The following DCLK1 variants were observed in gnomAD, a reference collection of about 807,000 sequenced individuals.
DCLK1 encodes doublecortin like kinase 1, also known as serine/threonine-protein kinase DCLK1.
Under a neutral mutation model 86.2 loss-of-function variants are expected in DCLK1, and 16 were observed. That is an observed-to-expected ratio of 0.19 (90% CI 0.13 to 0.28). The LOEUF is 0.28. Ranked by LOEUF, DCLK1 falls within the 10% of genes least tolerant of loss-of-function variation. The probability of loss-of-function intolerance (pLI) is 1.00; values close to 1 mark genes in which losing one functional copy is unlikely to be tolerated. For synonymous variants in DCLK1, 369 were observed against 370.5 expected, an observed-to-expected ratio of 1.00 and a Z score of 0.05; for missense variants, 590 against 940.2, an observed-to-expected ratio of 0.63 and a Z score of 4.87.
intron 3 of DCLK1, among the ~76,000 whole-genome samples, chr13:35,960,140 AC>A (rs1481119320): frequency 6.6e-6 from 1 of 151,846 alleles, no homozygotes; most frequent in Admixed American, 6.6e-5. Flanking sequence ...GTAAAACTAA[AC>A]CCCTCCAATA....
At chr13:35,933,119 T>C (rs1876549009) in intron 4 of DCLK1, among the ~76,000 whole-genome samples, 1 of 152,204 alleles carries the variant, frequency 6.6e-6, no homozygotes, top group Non-Finnish European at 1.5e-5. Context: ...AGTCAAATCT[T>C]AAAGCTCCAA....
rs532112697 is a variant in DCLK1, at chr13:35,918,890, G to GTTTTTTTTTTTTTT, written c.823+28467_823+28468insAAAAAAAAAAAAAA. ...CCAAAAAGAAATCTTCCTTCTGAGTGTGTTTTTTTTTTTTTTTTTGGAAAC... is the reference window on the plus strand; with the variant it reads ...CCAAAAAGAAATCTTCCTTCTGAGTGTTTTTTTTTTTTTTTGTTTTTTTTTTTTTTTTTGGAAAC... On this transcript the variant is annotated intron_variant, in intron 4 of 16. Transcript: ENST00000360631. Among the ~76,000 whole-genome samples the GTTTTTTTTTTTTTT allele has an allele frequency of 1.3e-3, 18 of 14,212 alleles. No individual in the cohort carries two copies. The South Asian group carries it at 0.017, about 13-fold the overall frequency. The allele number at this position is 14,212 out of a possible 152,430, so 9.3% of individuals were successfully genotyped here.
intron 3 of DCLK1, among the ~76,000 whole-genome samples, chr13:36,057,647 G>A (rs1245373324): frequency 6.6e-6 from 1 of 152,182 alleles, no homozygotes; most frequent in Non-Finnish European, 1.5e-5. Flanking sequence ...TGTAGTTTCA[G>A]CCTGTGCAGG....
intron 10 of DCLK1, among the ~76,000 whole-genome samples, chr13:35,823,971 G>T (rs575631629): frequency 2.1e-3 from 323 of 152,152 alleles, no homozygotes; most frequent in Non-Finnish European, 3.8e-3. Flanking sequence ...AAAGCAAATA[G>T]TTTTTTCAAC....
intron 7 of DCLK1, 69 bp from the exon 8 acceptor site, chr13:35,836,210 A>T: frequency 7.7e-7 from 1 of 1,306,314 alleles, no homozygotes; most frequent in Non-Finnish European, 1.1e-6. Context: ...GGAAACATTT[A>T]AAAGTATCAT....
intron 3 of DCLK1, among the ~76,000 whole-genome samples, chr13:36,099,512 C>T (rs1217733180): frequency 1.3e-5 from 2 of 152,066 alleles, no homozygotes; most frequent in Non-Finnish European, 2.9e-5. Context: ...AGGACTCTTC[C>T]CTTAGGATTC....
chr13:35,993,686 T>C (rs1325976297), intron 3 of DCLK1, among the ~76,000 whole-genome samples: 2 of 152,158 alleles, frequency 1.3e-5, no homozygotes, highest in East Asian at 3.8e-4. Flanking sequence ...TGTTCTGAAT[T>C]ACAAAGATTT....
chr13:35,956,329 A>G lies in DCLK1; in HGVS notation c.724-8872T>C, dbSNP rs530581949. On this transcript the variant is annotated intron_variant, in intron 3 of 16. Transcript: ENST00000360631. ...TAGGAAAAGATCAAACTTATATTCT[A>G]TTGCTGAGAGGCAAACTTATATTCT... 4.0e-3 allele frequency among the ~76,000 whole-genome samples: 606 copies of G among 152,304 alleles called. 1 individual carries two copies. Among genetic ancestry groups the G allele is most frequent in the Non-Finnish European group, 5.8e-3 (397 of 68,024 alleles).
At chr13:36,126,726 G>A (rs953031249) in intron 1 of DCLK1, among the ~76,000 whole-genome samples, 6 of 152,266 alleles carry the variant, frequency 3.9e-5, no homozygotes, top group East Asian at 1.9e-4. Flanking sequence ...AGAAGAGGCC[G>A]ATCCCAGTGG....
chr13:35,916,035 A>C (rs1875387775), intron 4 of DCLK1, among the ~76,000 whole-genome samples: 1 of 152,168 alleles, frequency 6.6e-6, no homozygotes, highest in South Asian at 2.1e-4. Flanking sequence ...GGTCAATGCA[A>C]TCCTTACCCT....
chr13:35,839,677 G>T (rs1341133141), intron 6 of DCLK1, among the ~76,000 whole-genome samples: 1 of 152,144 alleles, frequency 6.6e-6, no homozygotes, highest in Non-Finnish European at 1.5e-5. Flanking sequence ...TTAAAGAGTG[G>T]GGTTGTCATT....
At chr13:36,043,230 C>G (rs1882755367) in intron 3 of DCLK1, among the ~76,000 whole-genome samples, 1 of 151,428 alleles carries the variant, frequency 6.6e-6, no homozygotes, top group Admixed American at 6.6e-5. Flanking sequence ...TGTTAATTTC[C>G]TCAGAGAGTT....
intron 2 of DCLK1, among the ~76,000 whole-genome samples, chr13:36,117,224 T>C (rs535775362): frequency 6.6e-6 from 1 of 152,264 alleles, no homozygotes; most frequent in Admixed American, 6.5e-5. Flanking sequence ...CTTTTACTTA[T>C]TTCTTATTAT....
chr13:35,961,954 C>T (rs1399640487), intron 3 of DCLK1, among the ~76,000 whole-genome samples: 1 of 152,026 alleles, frequency 6.6e-6, no homozygotes, highest in African/African-American at 2.4e-5. Flanking sequence ...ACAAAATCAC[C>T]ATAACAATGT....
At position 35,797,681 on chromosome 13, in the gene DCLK1, A is replaced by C. The variant is rs200888745; in HGVS notation, c.1945-4202T>G. On this transcript the variant is annotated intron_variant, in intron 15 of 16. Transcript: ENST00000360631. ...TACATGTAAACACACACACACACACACCCCATGACAATGAAAAAGTCTGCA... is the reference window on the plus strand; with the variant it reads ...TACATGTAAACACACACACACACACCCCCCATGACAATGAAAAAGTCTGCA... Among the ~76,000 whole-genome samples the C allele has an allele frequency of 2.7e-4, 41 of 151,950 alleles. No individual in the cohort carries two copies. In the East Asian group the frequency reaches 5.0e-3, roughly 19 times the overall value.
chr13:35,969,894 G>A (rs185620071), intron 3 of DCLK1, among the ~76,000 whole-genome samples: 4 of 152,190 alleles, frequency 2.6e-5, no homozygotes, highest in African/African-American at 4.8e-5. Flanking sequence ...TATAAAAGAG[G>A]CCCCAGAAGG....
intron 6 of DCLK1, among the ~76,000 whole-genome samples, chr13:35,840,913 C>T (rs977392266): frequency 1.3e-5 from 2 of 152,102 alleles, no homozygotes; most frequent in African/African-American, 4.8e-5. Context: ...TGTCAATAAC[C>T]GAAGAAAATA....
chr13:35,828,428 A>G, intron 8 of DCLK1, 121 bp from the exon 9 acceptor site: 1 of 801,358 alleles, frequency 1.2e-6, no homozygotes, highest in Non-Finnish European at 1.9e-6. Context: ...ATTTTGTGAA[A>G]GGATTTCCTT....
In DCLK1 at chr13:35,941,794, A is replaced by C. The variant is rs991011775; in HGVS notation, c.823+5564T>G. ...AAATTTTAATGTTTTGTTTCAGTTCATATTTACCATCTTCAATCAGAGGGG... is the reference window on the plus strand; with the variant it reads ...AAATTTTAATGTTTTGTTTCAGTTCCTATTTACCATCTTCAATCAGAGGGG... On this transcript the variant is annotated intron_variant, in intron 4 of 16. Transcript: ENST00000360631. 2.0e-5 allele frequency among the ~76,000 whole-genome samples: 3 copies of C among 152,216 alleles called. No individual in the cohort carries two copies. The East Asian group carries it at 5.8e-4, about 29-fold the overall frequency.
Sources: gnomAD v4.1 joint callset for allele counts (sites outside exome capture counted in the v4.1 genomes callset) on GRCh38, gnomAD v4.1.1 for gene constraint, MANE v1.5 for transcripts, NCBI Gene and HGNC (gene_info 2026-07-23, HGNC 2026-07-21) for gene names.